The following PTPRD variants were observed in gnomAD, a reference collection of about 807,000 sequenced individuals.
PTPRD encodes receptor-type tyrosine-protein phosphatase delta.
A neutral mutation model predicts 214.5 loss-of-function variants in PTPRD; 34 were observed. That is an observed-to-expected ratio of 0.16 (90% CI 0.12 to 0.21). The LOEUF (loss-of-function observed/expected upper bound fraction) is 0.21. Among genes scored for constraint, PTPRD ranks in the 10% least tolerant of loss-of-function variants. PTPRD has a pLI of 1.00. For synonymous variants in PTPRD, 1,128 were observed against 845.7 expected (o/e 1.33, Z -5.79); for missense variants, 2,545 against 2,398.7 (o/e 1.06, Z -1.27).
intron 3 of PTPRD, among the ~76,000 whole-genome samples, chr9:10,261,936 A>G (rs1243116672): frequency 6.6e-6 from 1 of 152,140 alleles, no homozygotes; most frequent in African/African-American, 2.4e-5. Context: ...CCACTCTTAG[A>G]TTGTTTTGAG....
chr9:9,851,709 G>C (rs1718074311), intron 5 of PTPRD, among the ~76,000 whole-genome samples: 1 of 152,132 alleles, frequency 6.6e-6, no homozygotes, highest in Admixed American at 6.5e-5. Flanking sequence ...GAACGCAGGA[G>C]GTAAAGGCTA....
At chr9:10,397,738 G>C (rs961002156) in intron 2 of PTPRD, among the ~76,000 whole-genome samples, 2 of 151,982 alleles carry the variant, frequency 1.3e-5, no homozygotes, top group Admixed American at 1.3e-4. Context: ...GGCTTCTAGA[G>C]TGAAACCTAC....
chr9:10,123,360 A>C (rs2098791767), intron 3 of PTPRD, among the ~76,000 whole-genome samples: 1 of 152,192 alleles, frequency 6.6e-6, no homozygotes, highest in South Asian at 2.1e-4. Flanking sequence ...GATTTTCTAG[A>C]CTGCTATTTT....
chr9:9,452,974 T>C (rs2092453996), intron 8 of PTPRD, among the ~76,000 whole-genome samples: 1 of 151,348 alleles, frequency 6.6e-6, no homozygotes, highest in African/African-American at 2.4e-5. Flanking sequence ...CATATGATTT[T>C]TCTGTATACT....
intron 11 of PTPRD, among the ~76,000 whole-genome samples, chr9:8,792,491 G>T (rs1206046442): frequency 2.0e-5 from 3 of 152,262 alleles, no homozygotes; most frequent in Admixed American, 6.5e-5. Context: ...TGAGCATTCA[G>T]TTCCATTTTT....
chr9:9,602,168 T>A (rs1268079854), intron 7 of PTPRD, among the ~76,000 whole-genome samples: 2 of 152,054 alleles, frequency 1.3e-5, no homozygotes, highest in Non-Finnish European at 2.9e-5. Flanking sequence ...TGCTTTTCAA[T>A]AATTGTGAAA....
At chr9:10,522,177 G>A (rs541428660) in intron 2 of PTPRD, among the ~76,000 whole-genome samples, 2 of 152,102 alleles carry the variant, frequency 1.3e-5, no homozygotes, top group African/African-American at 4.8e-5. Context: ...TACTCCATAG[G>A]CAGTGGATAT....
At chr9:10,605,562 A>G (rs2079079530) in intron 2 of PTPRD, among the ~76,000 whole-genome samples, 1 of 151,780 alleles carries the variant, frequency 6.6e-6, no homozygotes, top group Non-Finnish European at 1.5e-5. Context: ...ACTGCCTAAT[A>G]AGCAACACAG....
At chr9:10,483,231 G>A (rs953135064) in intron 2 of PTPRD, among the ~76,000 whole-genome samples, 3 of 151,996 alleles carry the variant, frequency 2.0e-5, no homozygotes, top group East Asian at 1.9e-4. Flanking sequence ...GGATAGCCAC[G>A]TGTAGAAAAA....
At chr9:9,316,586 A>C (rs892932267) in intron 9 of PTPRD, among the ~76,000 whole-genome samples, 2 of 152,112 alleles carry the variant, frequency 1.3e-5, no homozygotes, top group African/African-American at 4.8e-5. Context: ...GAATCTTCCA[A>C]TGGGCTTTTG....
At chr9:8,389,495 C>A (rs956066064) in intron 36 of PTPRD, 88 bp from the exon 37 acceptor site, 2 of 960,788 alleles carry the variant, frequency 2.1e-6, no homozygotes, top group Non-Finnish European at 1.5e-6. Flanking sequence ...TGCTATCTTA[C>A]TGTTCCACCT....
intron 7 of PTPRD, among the ~76,000 whole-genome samples, chr9:9,661,351 T>C (rs1045106565): frequency 6.6e-6 from 1 of 151,964 alleles, no homozygotes; most frequent in Admixed American, 6.6e-5. Flanking sequence ...TATATTTTTT[T>C]AAATTGCTAA....
intron 5 of PTPRD, among the ~76,000 whole-genome samples, chr9:9,815,924 C>G (rs1745478570): frequency 6.6e-6 from 1 of 152,090 alleles, no homozygotes; most frequent in South Asian, 2.1e-4. Flanking sequence ...ACCACACATA[C>G]ACAAATGGTA....
Position 10,060,869 on chromosome 9 carries a change from T to TTCC in PTPRD, c.-544-27080_-544-27079insGGA, listed in dbSNP as rs1567406075. On this transcript the variant is annotated intron_variant, in intron 3 of 45. Transcript: ENST00000381196. ...CTTTCCTTTCTTTCTTCCTTCCTTC[T>TTCC]TTCCTTCCTTCCTTCCTTCCTTCCT... Among the ~76,000 whole-genome samples the TTCC allele has an allele frequency of 1.9e-3, 158 of 83,428 alleles. 14 individuals carry two copies. The highest frequency in any genetic ancestry group is 4.1e-3 in the East Asian group (12 of 2,900). 54.7% of individuals were successfully genotyped at this position (83,428 alleles called of 152,430 possible).
At chr9:8,504,968 G>A (rs10081689) in intron 22 of PTPRD, among the ~76,000 whole-genome samples, 6,723 of 152,122 alleles carry the variant, frequency 0.044, 510 homozygotes, top group African/African-American at 0.15. Flanking sequence ...AAAATATCAC[G>A]TTAGTCACTA....
chr9:10,339,271 A>T (rs1163366928), intron 3 of PTPRD, among the ~76,000 whole-genome samples: 1 of 151,794 alleles, frequency 6.6e-6, no homozygotes, highest in Non-Finnish European at 1.5e-5. Flanking sequence ...TAGGAACTAA[A>T]TCAGTCTTAA....
chr9:9,690,903 T>C (rs2097258949), intron 7 of PTPRD, among the ~76,000 whole-genome samples: 1 of 151,974 alleles, frequency 6.6e-6, no homozygotes, highest in Non-Finnish European at 1.5e-5. Flanking sequence ...ATGTGATGAC[T>C]TTAGTTTGTT....
At chr9:9,418,259 G>C (rs995409826) in intron 8 of PTPRD, among the ~76,000 whole-genome samples, 3 of 151,994 alleles carry the variant, frequency 2.0e-5, no homozygotes, top group Non-Finnish European at 4.4e-5. Context: ...TTCTTGAGAA[G>C]GCCAACTGGG....
intron 11 of PTPRD, among the ~76,000 whole-genome samples, chr9:8,968,500 C>G (rs200342081): frequency 1.4e-4 from 22 of 151,942 alleles, no homozygotes; most frequent in East Asian, 7.8e-4. Flanking sequence ...TTTCTCTGAT[C>G]GCCAGTGATG....
Sources: allele counts gnomAD v4.1 joint callset (sites outside exome capture counted in the v4.1 genomes callset), GRCh38; gene constraint gnomAD v4.1.1; transcripts MANE v1.5; gene names NCBI Gene and HGNC (gene_info 2026-07-23, HGNC 2026-07-21).